RB1: variants seen among roughly 807,000 people sequenced by gnomAD.
RB1 encodes RB transcriptional corepressor 1.
RB1 carries 18 observed loss-of-function variants against 135.4 expected under a neutral mutation model. That is an observed-to-expected ratio of 0.13 (90% CI 0.09 to 0.20). The LOEUF (loss-of-function observed/expected upper bound fraction) is 0.20. Ranked by LOEUF, RB1 falls within the 10% of genes least tolerant of loss-of-function variation. RB1 has a pLI of 1.00. For missense variants in RB1, 868 were observed against 1,110.0 expected (o/e 0.78, Z 3.10); for synonymous variants, 365 against 373.2 (o/e 0.98, Z 0.25).
intron 5 of RB1, among the ~76,000 whole-genome samples, chr13:48,348,216 A>C (rs1264614554): frequency 6.6e-6 from 1 of 151,980 alleles, no homozygotes; most frequent in Non-Finnish European, 1.5e-5. Flanking sequence ...TGTGAGAATA[A>C]ATGTAAAAAT....
intron 17 of RB1, among the ~76,000 whole-genome samples, chr13:48,384,113 G>A (rs1948555927): frequency 1.3e-5 from 2 of 152,046 alleles, no homozygotes; most frequent in Admixed American, 1.3e-4. Flanking sequence ...TTATTTTTGA[G>A]AATTTTTGGA....
At chr13:48,363,386 A>G (rs1047525998) in intron 8 of RB1, among the ~76,000 whole-genome samples, 4 of 152,056 alleles carry the variant, frequency 2.6e-5, no homozygotes, top group African/African-American at 9.7e-5. Flanking sequence ...CTCTGTCTCT[A>G]CAAAATACAT....
chr13:48,363,413 TG>T (rs1018347648), intron 8 of RB1, among the ~76,000 whole-genome samples: 9 of 152,078 alleles, frequency 5.9e-5, no homozygotes, highest in South Asian at 2.1e-4. Context: ...AAAAATGAAC[TG>T]GGCATGGTGG....
Position 48,367,360 on chromosome 13 carries a change from G to T in RB1, c.940-134G>T. On this transcript the variant is annotated intron_variant, in intron 9 of 26. Coordinates refer to ENST00000267163, the MANE Select transcript of RB1 (RefSeq NM_000321.3). ...CTTTTAGATAGACCTTATTTATATT[G>T]CATGCGAACTCAGTGTATATTACAA... 5 of 900,816 alleles carry T rather than the reference G, an allele frequency of 5.6e-6. No individual in the cohort carries two copies. In the South Asian group the frequency reaches 6.9e-5, roughly 12 times the overall value. The allele number at this position is 900,816 out of a possible 1,614,324, so 55.8% of individuals were successfully genotyped here.
chr13:48,480,381 GAGT>G lies in RB1; in HGVS notation c.*311_*313del. On this transcript the variant is annotated 3_prime_UTR_variant, in exon 27 of 27. Transcript: ENST00000267163. Reference sequence around the variant, plus strand: ...GATAGTAAGAATGGCCCTAGAGTGGGAGTCCTGATAACCCAGGCCTGTCTGACT... The same window carrying G: ...GATAGTAAGAATGGCCCTAGAGTGGGCCTGATAACCCAGGCCTGTCTGACT... 1 of 425,122 alleles carries G rather than the reference GAGT, an allele frequency of 2.4e-6. No individual in the cohort carries two copies. Among genetic ancestry groups the G allele is most frequent in the Non-Finnish European group, 4.3e-6 (1 of 231,122 alleles). The allele number at this position is 425,122 out of a possible 1,614,324, so 26.3% of individuals were successfully genotyped here. A position where few individuals can be genotyped will look rare whatever the true frequency, so the allele number is the denominator to read the frequency against.
At chr13:48,459,945 C>A in intron 20 of RB1, 112 bp downstream of exon 20, 1 of 452,038 alleles carries the variant, frequency 2.2e-6, no homozygotes, top group South Asian at 2.4e-5. Context: ...TTCTTTCTTT[C>A]TTTCTTTTTC....
Position 48,437,273 on chromosome 13 carries a change from A to G in RB1, c.1696-15720A>G, listed in dbSNP as rs1210116459. Among the ~76,000 whole-genome samples the G allele has an allele frequency of 2.6e-5, 4 of 152,344 alleles. No individual in the cohort carries two copies. In the East Asian group the frequency reaches 7.7e-4, roughly 29 times the overall value. On this transcript the variant is annotated intron_variant, in intron 17 of 26. Coordinates refer to ENST00000267163, the MANE Select transcript of RB1 (RefSeq NM_000321.3). ...ATAAGTAATAACATGAGTTGAGTAC[A>G]AGAGAAAACTACTGCCCAAGTCCTG...
At chr13:48,366,052 A>G (rs1952693627) in intron 9 of RB1, among the ~76,000 whole-genome samples, 1 of 152,200 alleles carries the variant, frequency 6.6e-6, no homozygotes, top group Admixed American at 6.5e-5. Flanking sequence ...GCAGTGATGT[A>G]TGATAGTATG....
intron 17 of RB1, among the ~76,000 whole-genome samples, chr13:48,399,468 C>A (rs1039224073): frequency 6.6e-6 from 1 of 151,936 alleles, no homozygotes; most frequent in Non-Finnish European, 1.5e-5. Context: ...TATGAATAAT[C>A]ATCCACTGAA....
chr13:48,339,951 A>G (rs1452712049), intron 2 of RB1, among the ~76,000 whole-genome samples: 1 of 152,234 alleles, frequency 6.6e-6, no homozygotes, highest in East Asian at 1.9e-4. Flanking sequence ...TGGTGAAAAA[A>G]GACAAGTAAA....
intron 17 of RB1, among the ~76,000 whole-genome samples, chr13:48,443,161 T>C (rs181175725): frequency 9.9e-5 from 15 of 151,838 alleles, no homozygotes; most frequent in Non-Finnish European, 1.0e-4. Context: ...AAATATCTCC[T>C]CTTAGTCTAT....
chr13:48,346,541 G>T (rs1289032335), intron 4 of RB1, among the ~76,000 whole-genome samples: 2 of 151,612 alleles, frequency 1.3e-5, no homozygotes, highest in African/African-American at 4.8e-5. Context: ...TTGCTTTAGA[G>T]TTTTTTTGGT....
rs1478823304 is a variant in RB1 at position 48,453,015 on chromosome 13, T to C, written c.1718T>C (p.Ile573Thr). ...WLSDSPLFDLIKQSKDREGPT... is the reference protein window; with the variant it reads ...WLSDSPLFDLTKQSKDREGPT... ...TAGGATTCACCTTTATTTGATCTTA[T>C]TAAACAATCAAAGGACCGAGAAGGA... Residue 573 changes from isoleucine (I) to threonine (T), a missense_variant, in exon 18 of 27, where the codon ATT becomes ACT. Transcript: ENST00000267163. The C allele has an allele frequency of 1.1e-5, 17 of 1,613,080 alleles. No individual in the cohort carries two copies. The highest frequency in any genetic ancestry group is 1.4e-5 in the Non-Finnish European group (17 of 1,179,584).
intron 17 of RB1, among the ~76,000 whole-genome samples, chr13:48,400,810 G>A (rs1341176923): frequency 6.6e-6 from 1 of 152,084 alleles, no homozygotes; most frequent in Non-Finnish European, 1.5e-5. Context: ...TTAATTGTTA[G>A]TACCCTTCAT....
intron 6 of RB1, among the ~76,000 whole-genome samples, chr13:48,349,308 A>C (rs991551556): frequency 5.3e-5 from 8 of 151,892 alleles, no homozygotes; most frequent in Non-Finnish European, 1.2e-4. Flanking sequence ...CATGATAAAT[A>C]ATTCAAATAA....
intron 17 of RB1, among the ~76,000 whole-genome samples, chr13:48,414,450 T>C (rs962595529): frequency 9.9e-5 from 15 of 152,092 alleles, no homozygotes; most frequent in Non-Finnish European, 1.3e-4. Context: ...TCCTCAAAGA[T>C]TGAGGATATC....
In RB1 at chr13:48,360,049, A is replaced by G. The variant is rs1952625382; in HGVS notation, c.640A>G (p.Ile214Val). The G allele has an allele frequency of 6.2e-7, 1 of 1,612,446 alleles. No homozygotes were observed. The highest frequency in any genetic ancestry group is 8.5e-7 in the Non-Finnish European group (1 of 1,179,180). The stretch of plus-strand genomic sequence containing the variant: ...ATTACAAATGGAAGATGATCTGGTG[A>G]TTTCATTTCAGTTAATGCTATGTGT... ...EVLQMEDDLV[I>V]SFQLMLCVLD... Residue 214 changes from isoleucine (I) to valine (V), a missense_variant, in exon 7 of 27, where the codon ATT becomes GTT. Physicochemically the swap from Ile to Val is conservative, Grantham distance 29. This residue lies in a region of RB1 where 641 missense variants were observed against 791.3 expected (regional missense o/e 0.81). Transcript: ENST00000267163.
chr13:48,345,244 C>T (rs1456275088), intron 4 of RB1, 45 bp downstream of exon 4: 2 of 1,574,630 alleles, frequency 1.3e-6, no homozygotes, highest in Non-Finnish European at 1.7e-6. Context: ...TTTTTTATGT[C>T]ATTGTTCACA....
intron 6 of RB1, among the ~76,000 whole-genome samples, chr13:48,357,393 TTGTC>T (rs1593442055): frequency 1.3e-5 from 2 of 152,114 alleles, no homozygotes; most frequent in African/African-American, 2.4e-5. Context: ...TTTTCTTAGC[TTGTC>T]TAGTTCCTTC....
Sources: allele counts gnomAD v4.1 joint callset (sites outside exome capture counted in the v4.1 genomes callset), GRCh38; gene constraint gnomAD v4.1.1; regional missense constraint gnomAD v4.1.1; transcripts MANE v1.5; gene names NCBI Gene and HGNC (gene_info 2026-07-23, HGNC 2026-07-21).